ARHGAP15: variants seen among roughly 807,000 people sequenced by gnomAD.
The protein encoded by ARHGAP15 is rho GTPase-activating protein 15.
A neutral mutation model predicts 63.7 loss-of-function variants in ARHGAP15; 51 were observed. The ratio of observed to expected loss-of-function variants is 0.80; its 90% CI spans 0.64 to 1.01. The LOEUF (loss-of-function observed/expected upper bound fraction) is 1.01, where lower values mean the gene tolerates loss of function less well. Among genes scored for constraint, ARHGAP15 ranks in the 50% least tolerant of loss-of-function variants. ARHGAP15 has a pLI of 0.00. For synonymous variants in ARHGAP15, 191 were observed against 193.8 expected (o/e 0.99, Z 0.12); for missense variants, 560 against 564.6 (o/e 0.99, Z 0.08).
At chr2:143,610,481 C>T (rs896065437) in intron 11 of ARHGAP15, among the ~76,000 whole-genome samples, 2 of 152,130 alleles carry the variant, frequency 1.3e-5, no homozygotes, top group African/African-American at 4.8e-5. Context: ...CCTGACCAAT[C>T]GACTTTCCAT....
intron 9 of ARHGAP15, among the ~76,000 whole-genome samples, chr2:143,503,630 A>C (rs1225656672): frequency 1.3e-5 from 2 of 152,226 alleles, no homozygotes; most frequent in African/African-American, 4.8e-5. Context: ...GACTGCAGAG[A>C]ACACATTCTG....
chr2:143,731,532 G>A (rs72859684), intron 13 of ARHGAP15, among the ~76,000 whole-genome samples: 43,690 of 152,030 alleles, frequency 0.29, 7,177 homozygotes, highest in Non-Finnish European at 0.38. Context: ...TCCTCTGTGC[G>A]CTCTCTGCCT....
chr2:143,694,844 C>G (rs1683772324), intron 12 of ARHGAP15, among the ~76,000 whole-genome samples: 1 of 152,166 alleles, frequency 6.6e-6, no homozygotes, highest in South Asian at 2.1e-4. Context: ...AATATGCCTT[C>G]TTCAAAAACA....
At chr2:143,503,755 T>C (rs1693179120) in intron 9 of ARHGAP15, among the ~76,000 whole-genome samples, 1 of 152,364 alleles carries the variant, frequency 6.6e-6, no homozygotes, top group Non-Finnish European at 1.5e-5. Flanking sequence ...TTTCAGGCAT[T>C]ATCCAATGAT....
At chr2:143,182,289 A>G (rs1243502589) in intron 2 of ARHGAP15, among the ~76,000 whole-genome samples, 1 of 152,166 alleles carries the variant, frequency 6.6e-6, no homozygotes, top group Non-Finnish European at 1.5e-5. Context: ...AGGCCATTGT[A>G]GGGTTATTCA....
At chr2:143,686,460 C>T (rs1024111223) in intron 12 of ARHGAP15, among the ~76,000 whole-genome samples, 3 of 150,370 alleles carry the variant, frequency 2.0e-5, no homozygotes, top group Admixed American at 6.6e-5. Context: ...CACTCCCAAC[C>T]CCTAAGGAAT....
rs150539309 is a variant in ARHGAP15, at chr2:143,493,772, G to A, written c.826+6277G>A. Among the ~76,000 whole-genome samples, 233 of 152,202 alleles carry A rather than the reference G, an allele frequency of 1.5e-3. 1 individual carries two copies. Among genetic ancestry groups the A allele is most frequent in the African/African-American group, 5.1e-3 (213 of 41,530 alleles). On this transcript the variant is annotated intron_variant, in intron 9 of 13. Coordinates refer to ENST00000295095, the MANE Select transcript of ARHGAP15 (RefSeq NM_018460.4). Reference sequence around the variant, plus strand: ...CTCTGTGTTGGATCCACTGTCTTCGGCATCCCATGCCTTCCCTTCTATTAC... The same window carrying A: ...CTCTGTGTTGGATCCACTGTCTTCGACATCCCATGCCTTCCCTTCTATTAC...
At position 143,738,901 on chromosome 2, in the gene ARHGAP15, C is replaced by T. The variant is rs901568326; in HGVS notation, c.1245-29088C>T. 3.3e-5 allele frequency among the ~76,000 whole-genome samples: 5 copies of T among 152,116 alleles called. No homozygotes were observed. In the East Asian group the frequency reaches 5.8e-4, roughly 18 times the overall value. On this transcript the variant is annotated intron_variant, in intron 13 of 13. Transcript: ENST00000295095. The stretch of plus-strand genomic sequence containing the variant: ...CCGCCCATGATTCAAACAGCCGTAA[C>T]GAAAACAAGGTCAGGTGTCCTCAAT...
rs568001072 is a variant in ARHGAP15, at chr2:143,689,878, C to T, written c.1139-13541C>T. Among the ~76,000 whole-genome samples, 4 of 152,244 alleles carry T rather than the reference C, an allele frequency of 2.6e-5. No homozygotes were observed. The East Asian group carries it at 5.8e-4, about 22-fold the overall frequency. On this transcript the variant is annotated intron_variant, in intron 12 of 13. Coordinates refer to ENST00000295095, the MANE Select transcript of ARHGAP15 (RefSeq NM_018460.4). ...TCCTTCTGCCTTCTACCTACAATAT[C>T]CTCAGTTATACTTCATGGAAATTGC...
At chr2:143,655,961 G>T (rs1681413119) in intron 12 of ARHGAP15, among the ~76,000 whole-genome samples, 1 of 152,180 alleles carries the variant, frequency 6.6e-6, no homozygotes, top group Non-Finnish European at 1.5e-5. Flanking sequence ...TAGCTTCTAT[G>T]CAGTATGTGG....
At chr2:143,185,885 C>T (rs1456262739) in intron 2 of ARHGAP15, among the ~76,000 whole-genome samples, 3 of 152,120 alleles carry the variant, frequency 2.0e-5, no homozygotes, top group Non-Finnish European at 2.9e-5. Flanking sequence ...TAGTCCTTTT[C>T]TTCTTTAACT....
At chr2:143,576,960 AC>A (rs1160671043) in intron 11 of ARHGAP15, among the ~76,000 whole-genome samples, 1 of 152,188 alleles carries the variant, frequency 6.6e-6, no homozygotes, top group Admixed American at 6.6e-5. Flanking sequence ...CTTTCTGTCT[AC>A]AAAGCTGTCA....
intron 10 of ARHGAP15, among the ~76,000 whole-genome samples, chr2:143,552,807 C>T (rs992524803): frequency 4.6e-5 from 7 of 152,074 alleles, no homozygotes; most frequent in Non-Finnish European, 1.0e-4. Flanking sequence ...TTTAGCATAA[C>T]AGGCAAAAAT....
intron 1 of ARHGAP15, among the ~76,000 whole-genome samples, chr2:143,148,904 A>C (rs13426177): frequency 0.25 from 38,514 of 151,936 alleles, 5,016 homozygotes; most frequent in East Asian, 0.45. Flanking sequence ...TTAAAATGCT[A>C]TTTTGGTAAA....
At chr2:143,191,856 G>A (rs1028478373) in intron 2 of ARHGAP15, among the ~76,000 whole-genome samples, 3 of 152,150 alleles carry the variant, frequency 2.0e-5, no homozygotes, top group African/African-American at 4.8e-5. Context: ...GTACTAACCT[G>A]GAGGTAAATG....
intron 12 of ARHGAP15, among the ~76,000 whole-genome samples, chr2:143,686,383 C>CAAAAAAAAAAAAAAAAAA (rs35554349): frequency 1.8e-5 from 1 of 55,050 alleles, no homozygotes; most frequent in African/African-American, 8.3e-5. Context: ...GACTCTGTCT[C>CAAAAAAAAAAAAAAAAAA]AAAAAAAAAA....
At chr2:143,337,104 G>A (rs1018977582) in intron 6 of ARHGAP15, among the ~76,000 whole-genome samples, 2 of 152,216 alleles carry the variant, frequency 1.3e-5, no homozygotes, top group Non-Finnish European at 2.9e-5. Flanking sequence ...GAGGTGGAAA[G>A]GGCAGAAGGT....
At chr2:143,731,921 A>G (rs1046893828) in intron 13 of ARHGAP15, among the ~76,000 whole-genome samples, 3 of 152,346 alleles carry the variant, frequency 2.0e-5, no homozygotes, top group African/African-American at 7.2e-5. Flanking sequence ...ATTTTCCTAG[A>G]TCAACCAACT....
intron 8 of ARHGAP15, among the ~76,000 whole-genome samples, chr2:143,472,358 A>C (rs906241827): frequency 6.6e-6 from 1 of 152,134 alleles, no homozygotes; most frequent in Non-Finnish European, 1.5e-5. Context: ...CTACCAGTAC[A>C]TTTATTGCTA....
Sources: allele counts gnomAD v4.1 joint callset (sites outside exome capture counted in the v4.1 genomes callset), GRCh38; gene constraint gnomAD v4.1.1; transcripts MANE v1.5; gene names NCBI Gene and HGNC (gene_info 2026-07-23, HGNC 2026-07-21).